Variants in SYS1 observed in about 807,000 individuals in gnomAD.
SYS1 encodes the protein SYS1 golgi trafficking protein, also known as protein SYS1 homolog.
In SYS1, 8 loss-of-function variants were observed where a neutral mutation model predicts 17.8. The ratio of observed to expected loss-of-function variants is 0.45; its 90% CI spans 0.26 to 0.81. SYS1 has a LOEUF of 0.81. Ranked by LOEUF, SYS1 falls within the 40% of genes least tolerant of loss-of-function variation. The probability of loss-of-function intolerance (pLI) is 0.16; values close to 1 mark genes in which losing one functional copy is unlikely to be tolerated. For synonymous variants in SYS1, 95 were observed against 90.9 expected (o/e 1.05, Z -0.26); for missense variants, 161 against 203.9 (o/e 0.79, Z 1.28).
At chr20:45,375,323 T>G in exon 4 of SYS1, 1 of 1,614,154 alleles carries the variant, frequency 6.2e-7, no homozygotes, top group Non-Finnish European at 8.5e-7. Flanking sequence ...TCCCTCGATG[T>G]CCTTGGAACC....
chr20:45,374,646 T>G, exon 4 of SYS1: 1 of 429,956 alleles, frequency 2.3e-6, no homozygotes, highest in East Asian at 3.7e-5. Context: ...TTAGAGGGAA[T>G]GGGATGCAGC....
chr20:45,375,843 C>G (rs770749913), exon 4 of SYS1: 1 of 394,966 alleles, frequency 2.5e-6, no homozygotes, highest in Non-Finnish European at 4.6e-6. Flanking sequence ...CTCTGGACTT[C>G]AGCTGGGAGG....
rs1988491913 is a variant in SYS1 at position 45,368,643 on chromosome 20, G to A, written c.*1528G>A. 1.0e-6 allele frequency: 1 copy of A among 985,346 alleles called. No individual in the cohort carries two copies. Among genetic ancestry groups the A allele is most frequent in the Non-Finnish European group, 1.2e-6 (1 of 829,976 alleles). The allele number at this position is 985,346 out of a possible 1,614,324, so 61.0% of individuals were successfully genotyped here. ...CTGGGAAGAGACTGGGAAGGTTCTA[G>A]GGTGAGGCACCTCAGTAACTCATGG... On this transcript the variant is annotated 3_prime_UTR_variant, in exon 4 of 4. Coordinates refer to ENST00000243918, the MANE Select transcript of SYS1 (RefSeq NM_033542.4).
At position 45,375,236 on chromosome 20, in the gene SYS1, G is replaced by A. The variant is rs142380755; in HGVS notation, c.*942G>A. 5.3e-5 allele frequency: 86 copies of A among 1,614,166 alleles called. 1 individual carries two copies. Among genetic ancestry groups the A allele is most frequent in the South Asian group, 9.9e-5 (9 of 91,088 alleles). On this transcript the variant is annotated 3_prime_UTR_variant, in exon 4 of 4. Transcript: ENST00000426004. Reference sequence around the variant, plus strand: ...ATGTGCCCCATGGGAGTTCTATTGCGGTAGGGCTTAATGAAGATGACTCGG... The same window carrying A: ...ATGTGCCCCATGGGAGTTCTATTGCAGTAGGGCTTAATGAAGATGACTCGG...
Position 45,363,690 on chromosome 20 carries a change from C to A in SYS1, c.159C>A (p.Ala53=). ...SSPSLDQMFD[A]EILGFSTPPG... ...CCTCGCTGGACCAGATGTTCGACGC[C>A]GAGGTAGGGTCCCCGGACTGGGGCG... Residue 53 remains alanine (A), a synonymous_variant, in exon 2 of 4, where the codon GCC becomes GCA. Transcript: ENST00000243918. 6.4e-7 allele frequency: 1 copy of A among 1,563,254 alleles called. No homozygotes were observed. Among genetic ancestry groups the A allele is most frequent in the East Asian group, 2.4e-5 (1 of 41,922 alleles).
Position 45,368,413 on chromosome 20 carries a change from T to C in SYS1, c.*1298T>C, listed in dbSNP as rs948410140. The stretch of plus-strand genomic sequence containing the variant: ...CACACAGTCTAGACCCACTTCCGCA[T>C]TGAAACCTTCACTGTTCCTCTTTGG... On this transcript the variant is annotated 3_prime_UTR_variant, in exon 4 of 4. Coordinates refer to ENST00000243918, the MANE Select transcript of SYS1 (RefSeq NM_033542.4). 1.3e-5 allele frequency: 13 copies of C among 985,338 alleles called. No individual in the cohort carries two copies. Among genetic ancestry groups the C allele is most frequent in the Non-Finnish European group, 1.6e-5 (13 of 829,950 alleles). The allele number at this position is 985,338 out of a possible 1,614,324, so 61.0% of individuals were successfully genotyped here.
rs1207678047 is a variant in SYS1, at chr20:45,368,267, G to A, written c.*1152G>A. On this transcript the variant is annotated 3_prime_UTR_variant, in exon 4 of 4. Coordinates refer to ENST00000243918, the MANE Select transcript of SYS1 (RefSeq NM_033542.4). Reference sequence around the variant, plus strand: ...ATTTGGTTAAAATACTCAGTGCAGGGAACTCTTACATCCTGTCTCCTTCAC... The same window carrying A: ...ATTTGGTTAAAATACTCAGTGCAGGAAACTCTTACATCCTGTCTCCTTCAC... The A allele has an allele frequency of 1.2e-5, 12 of 985,268 alleles. No individual in the cohort carries two copies. The highest frequency in any genetic ancestry group is 1.4e-5 in the Non-Finnish European group (12 of 829,936). 61.0% of individuals were successfully genotyped at this position (985,268 alleles called of 1,614,324 possible).
chr20:45,375,025 G>T, exon 4 of SYS1: 1 of 1,606,752 alleles, frequency 6.2e-7, no homozygotes. Flanking sequence ...TGGCAGTGTT[G>T]TTGTCACACC....
At chr20:45,375,472 G>A (rs753393226) in exon 4 of SYS1, 5 of 1,613,864 alleles carry the variant, frequency 3.1e-6, no homozygotes, top group East Asian at 4.5e-5. Flanking sequence ...TAATTTCTTG[G>A]ACTTGAGTTC....
chr20:45,363,820 A>G (rs1186429278), intron 2 of SYS1, 127 bp downstream of exon 2: 2 of 1,067,192 alleles, frequency 1.9e-6, no homozygotes, highest in African/African-American at 1.6e-5. Flanking sequence ...AAGGGATTTC[A>G]CCTTTCTGAG....
chr20:45,362,217 C>T (rs1363507592), upstream of SYS1, among the ~76,000 whole-genome samples: 2 of 152,142 alleles, frequency 1.3e-5, no homozygotes, highest in Non-Finnish European at 2.9e-5. Flanking sequence ...TTTAAAACAC[C>T]CACTACTCTG....
At position 45,368,008 on chromosome 20, in the gene SYS1, TGAGG is replaced by T; in HGVS notation, c.*897_*900del. 1.0e-6 allele frequency: 1 copy of T among 985,544 alleles called. No homozygotes were observed. Among genetic ancestry groups the T allele is most frequent in the Non-Finnish European group, 1.2e-6 (1 of 830,018 alleles). 61.0% of individuals were successfully genotyped at this position (985,544 alleles called of 1,614,324 possible). Reference sequence around the variant, plus strand: ...CTGGCCTGGGCTGTGCTGATAGTGCTGAGGGAGATAGGAATTTGCTGCTAAGATT... The same window carrying T: ...CTGGCCTGGGCTGTGCTGATAGTGCTGAGATAGGAATTTGCTGCTAAGATT... On this transcript the variant is annotated 3_prime_UTR_variant, in exon 4 of 4. Transcript: ENST00000243918.
rs1234465286 is a variant in SYS1 at position 45,367,957 on chromosome 20, T to G, written c.*842T>G. The G allele has an allele frequency of 2.0e-6, 2 of 985,472 alleles. No individual in the cohort carries two copies. Among genetic ancestry groups the G allele is most frequent in the African/African-American group, 1.7e-5 (1 of 57,356 alleles). 61.0% of individuals were successfully genotyped at this position (985,472 alleles called of 1,614,324 possible). A position where few individuals can be genotyped will look rare whatever the true frequency, so the allele number is the denominator to read the frequency against. On this transcript the variant is annotated 3_prime_UTR_variant, in exon 4 of 4. Transcript: ENST00000243918. ...TCTTTGGCGGGAAGGGTATGATGGGTTCCCAGAGACAAGAAGCCCAACCTT... is the reference window on the plus strand; with the variant it reads ...TCTTTGGCGGGAAGGGTATGATGGGGTCCCAGAGACAAGAAGCCCAACCTT...
At chr20:45,374,002 T>G (rs1249824678), downstream of SYS1, 1 of 1,613,948 alleles carries the variant, frequency 6.2e-7, no homozygotes, top group Non-Finnish European at 8.5e-7. Flanking sequence ...CTCGTCCAGG[T>G]CACATCAACC....
At chr20:45,374,523 C>T (rs1007020976) in exon 4 of SYS1, 2 of 527,406 alleles carry the variant, frequency 3.8e-6, no homozygotes, top group African/African-American at 1.9e-5. Context: ...CTTCCTGCCT[C>T]GACCTCCCAA....
rs1035449313 is a variant in SYS1, at chr20:45,367,728, C to G, written c.*613C>G. ...TGTTATACACACGTTCATGTGCACC[C>G]AAGAACCTATGACTTTCTTCCAGTT... is the stretch of plus-strand genomic sequence containing the variant. On this transcript the variant is annotated 3_prime_UTR_variant, in exon 4 of 4. Transcript: ENST00000243918. 2 of 986,812 alleles carry G rather than the reference C, an allele frequency of 2.0e-6. No homozygotes were observed. The highest frequency in any genetic ancestry group is 4.7e-5 in the South Asian group (1 of 21,350). The allele number at this position is 986,812 out of a possible 1,614,324, so 61.1% of individuals were successfully genotyped here. A position where few individuals can be genotyped will look rare whatever the true frequency, so the allele number is the denominator to read the frequency against.
chr20:45,366,432 C>T (rs1341006437), intron 3 of SYS1, among the ~76,000 whole-genome samples: 2 of 152,110 alleles, frequency 1.3e-5, no homozygotes, highest in Non-Finnish European at 2.9e-5. Flanking sequence ...AGATGTCAGC[C>T]CACACATGGT....
Position 45,367,303 on chromosome 20 carries a change from A to C in SYS1, c.*188A>C, listed in dbSNP as rs1052232598. ...AGCAGTCAGCATGACAGCTGCAAGA[A>C]TGACCTCTGTCTGTTGAAGCCTTGG... On this transcript the variant is annotated 3_prime_UTR_variant, in exon 4 of 4. Coordinates refer to ENST00000243918, the MANE Select transcript of SYS1 (RefSeq NM_033542.4). The C allele has an allele frequency of 7.0e-6, 10 of 1,422,682 alleles. No homozygotes were observed. In the Admixed American group the frequency reaches 2.0e-4, roughly 29 times the overall value. 88.1% of individuals were successfully genotyped at this position (1,422,682 alleles called of 1,614,324 possible).
At position 45,367,375 on chromosome 20, in the gene SYS1, T is replaced by C; in HGVS notation, c.*260T>C. 2 of 1,294,750 alleles carry C rather than the reference T, an allele frequency of 1.5e-6. No individual in the cohort carries two copies. The highest frequency in any genetic ancestry group is 9.8e-7 in the Non-Finnish European group (1 of 1,015,890). The allele number at this position is 1,294,750 out of a possible 1,614,324, so 80.2% of individuals were successfully genotyped here. On this transcript the variant is annotated 3_prime_UTR_variant, in exon 4 of 4. Transcript: ENST00000243918. The stretch of plus-strand genomic sequence containing the variant: ...GACCTCTTTGAGGGTAATAACAGAA[T>C]TGGAACCATGCCACTCTTGAGCCAC...
Sources: gnomAD v4.1 joint callset for allele counts (sites outside exome capture counted in the v4.1 genomes callset) on GRCh38, gnomAD v4.1.1 for gene constraint, MANE v1.5 for transcripts, NCBI Gene and HGNC (gene_info 2026-07-23, HGNC 2026-07-21) for gene names.